Variants in RAPGEFL1 observed in about 807,000 individuals in gnomAD.
RAPGEFL1 encodes rap guanine nucleotide exchange factor-like 1.
A neutral mutation model predicts 64.4 loss-of-function variants in RAPGEFL1; 31 were observed. That is an observed-to-expected ratio of 0.48 (90% CI 0.36 to 0.65). The LOEUF is 0.65. RAPGEFL1 is among the 30% of genes least tolerant of loss of function. The pLI is 0.00. For missense variants in RAPGEFL1, 682 were observed against 677.4 expected (o/e 1.01, Z -0.08); for synonymous variants, 331 against 274.1 (o/e 1.21, Z -2.05).
intron 3 of RAPGEFL1, 54 bp from the exon 4 acceptor site, chr17:40,184,527 G>A (rs1990000185): frequency 1.6e-6 from 2 of 1,265,990 alleles, no homozygotes; most frequent in Non-Finnish European, 2.2e-6. Context: ...CCTGCAGAGA[G>A]TAGCCCTTGG....
chr17:40,189,660 C>T (rs971279983), intron 6 of RAPGEFL1, among the ~76,000 whole-genome samples: 1 of 152,034 alleles, frequency 6.6e-6, no homozygotes, highest in South Asian at 2.1e-4. Context: ...ATAGGCACTG[C>T]GCCCTATCCT....
rs766397839 is a variant in RAPGEFL1 at position 40,184,201 on chromosome 17, AC to A, written c.600-12del. The A allele has an allele frequency of 1.9e-6, 3 of 1,588,288 alleles. No individual in the cohort carries two copies. The South Asian group carries it at 3.3e-5, about 18-fold the overall frequency. On this transcript the variant is annotated splice_polypyrimidine_tract_variant and intron_variant, in intron 2 of 14. Transcript: ENST00000620260. ...TCTGCTTGCGTAGGGATTTTTCTTA[AC>A]TTAAGGGTCAGCTTTGTTCGGGCAG...
chr17:40,186,408 A>G (rs934211728), intron 4 of RAPGEFL1, among the ~76,000 whole-genome samples: 2 of 149,462 alleles, frequency 1.3e-5, no homozygotes, highest in African/African-American at 4.9e-5. Context: ...CTCTACTAAA[A>G]ATACAAAAAA....
chr17:40,184,436 G>A (rs1989998214), intron 3 of RAPGEFL1, 87 bp downstream of exon 3: 1 of 1,305,600 alleles, frequency 7.7e-7, no homozygotes, highest in Non-Finnish European at 1.1e-6. Context: ...CTCATTCTGG[G>A]TACCTGGAAG....
At chr17:40,182,318 T>A (rs1316404337) in intron 2 of RAPGEFL1, among the ~76,000 whole-genome samples, 1 of 152,086 alleles carries the variant, frequency 6.6e-6, no homozygotes, top group Admixed American at 6.6e-5. Flanking sequence ...GTGTTATTTA[T>A]TTATTTATTT....
Position 40,178,278 on chromosome 17 carries a change from G to A in RAPGEFL1, c.417G>A (p.Ser139=), listed in dbSNP as rs1469755759. Reference sequence around the variant, plus strand: ...TGTCCCCAGGCGAGCCCTTGACTTCGCCGCCCTGGGCCCCTCTGGGCGCCC... The same window carrying A: ...TGTCCCCAGGCGAGCCCTTGACTTCACCGCCCTGGGCCCCTCTGGGCGCCC... ...DELSPGEPLT[S]PPWAPLGAPE... Residue 139 remains serine (S), a synonymous_variant, in exon 1 of 15, where the codon TCG becomes TCA. Coordinates refer to ENST00000620260, the MANE Select transcript of RAPGEFL1 (RefSeq NM_016339.6). 7.7e-6 allele frequency: 5 copies of A among 646,842 alleles called. No individual in the cohort carries two copies. Among genetic ancestry groups the A allele is most frequent in the South Asian group, 1.6e-5 (1 of 61,748 alleles). 40.1% of individuals were successfully genotyped at this position (646,842 alleles called of 1,614,324 possible).
In RAPGEFL1 at chr17:40,193,790, A is replaced by G; in HGVS notation, c.*2A>G. On this transcript the variant is annotated 3_prime_UTR_variant, in exon 15 of 15. Transcript: ENST00000620260. ...AAGCTGGAGGCAAACAGTCAGTGAG[A>G]GTGGAGGCTCCAGTCAGACCCGCCA... The G allele has an allele frequency of 1.2e-6, 2 of 1,613,916 alleles. No individual in the cohort carries two copies. The highest frequency in any genetic ancestry group is 1.7e-6 in the Non-Finnish European group (2 of 1,179,940).
chr17:40,192,556 G>A (rs1772325759), intron 11 of RAPGEFL1, 50 bp from the exon 12 acceptor site: 1 of 1,463,440 alleles, frequency 6.8e-7, no homozygotes. Context: ...GGACATCTTT[G>A]GGATGCATTG....
Position 40,193,909 on chromosome 17 carries a change from A to G in RAPGEFL1, c.*121A>G. The stretch of plus-strand genomic sequence containing the variant: ...GGAGCAACTTCCTGCTCCACGGGAA[A>G]GAGGTCGATGGATTTACCCCTGGAC... On this transcript the variant is annotated 3_prime_UTR_variant, in exon 15 of 15. Coordinates refer to ENST00000620260, the MANE Select transcript of RAPGEFL1 (RefSeq NM_016339.6). 7.3e-7 allele frequency: 1 copy of G among 1,369,710 alleles called. No homozygotes were observed. Among genetic ancestry groups the G allele is most frequent in the African/African-American group, 1.5e-5 (1 of 68,606 alleles). The allele number at this position is 1,369,710 out of a possible 1,614,324, so 84.8% of individuals were successfully genotyped here.
chr17:40,190,809 G>T (rs548239903), intron 8 of RAPGEFL1, 47 bp downstream of exon 8: 123 of 1,606,038 alleles, frequency 7.7e-5, no homozygotes, highest in Non-Finnish European at 9.8e-5. Context: ...AGGGAGAAAT[G>T]TGCCATTGGG....
chr17:40,189,396 G>A (rs762340785), intron 6 of RAPGEFL1, 21 bp downstream of exon 6: 6 of 1,613,004 alleles, frequency 3.7e-6, no homozygotes, highest in Middle Eastern at 3.3e-4. Flanking sequence ...GGAAGAACTG[G>A]GCTGATGCTC....
intron 4 of RAPGEFL1, chr17:40,188,523 A>G (rs1221023719): frequency 6.3e-6 from 2 of 315,740 alleles, no homozygotes; most frequent in Non-Finnish European, 1.2e-5. Context: ...CTCAGTAAGA[A>G]CCAAATCCCA....
intron 4 of RAPGEFL1, among the ~76,000 whole-genome samples, chr17:40,186,332 G>A (rs2145211639): frequency 6.6e-6 from 1 of 150,428 alleles, no homozygotes; most frequent in South Asian, 2.1e-4. Flanking sequence ...ACTTTGGGAG[G>A]CCGAGGCGGG....
Position 40,192,248 on chromosome 17 carries a change from A to G in RAPGEFL1, c.1641A>G (p.Lys547=). 6.2e-7 allele frequency: 1 copy of G among 1,613,984 alleles called. No homozygotes were observed. Among genetic ancestry groups the G allele is most frequent in the Non-Finnish European group, 8.5e-7 (1 of 1,179,910 alleles). ...GGAAATTCAAGAACTTGTTTCGCAA[A>G]TTTGAGAACCTGACGGTGAGTGGGT... The part of the protein sequence containing the change: ...LPGKFKNLFR[K]FENLTDPCRN... The change falls in exon 11 of 15, where the codon AAA becomes AAG. Residue 547 remains lysine, a synonymous_variant. Coordinates refer to ENST00000620260, the MANE Select transcript of RAPGEFL1 (RefSeq NM_016339.6).
Position 40,191,558 on chromosome 17 carries a change from T to C in RAPGEFL1, c.1515-24T>C, listed in dbSNP as rs1270139178. On this transcript the variant is annotated intron_variant, in intron 9 of 14. Transcript: ENST00000620260. The surrounding 1 kb of genome is among the most constrained non-coding windows in gnomAD (Gnocchi z 5.1). ...GGAGGCCCGCGCCGCCGCCCGCCCC[T>C]GACCCCGCCTCCCACCCCCGCAGCT... 1.4e-6 allele frequency: 2 copies of C among 1,474,386 alleles called. No individual in the cohort carries two copies. Among genetic ancestry groups the C allele is most frequent in the South Asian group, 2.4e-5 (2 of 84,392 alleles). 91.3% of individuals were successfully genotyped at this position (1,474,386 alleles called of 1,614,324 possible). A position where few individuals can be genotyped will look rare whatever the true frequency, so the allele number is the denominator to read the frequency against.
In RAPGEFL1 at chr17:40,188,984, T is replaced by A. The variant is rs758250819; in HGVS notation, c.946+6T>A. The A allele has an allele frequency of 2.5e-6, 4 of 1,612,390 alleles. No individual in the cohort carries two copies. In the Admixed American group the frequency reaches 6.7e-5, roughly 27 times the overall value. On this transcript the variant is annotated splice_donor_region_variant and intron_variant, in intron 5 of 14. Transcript: ENST00000620260. ...CTTCCGGGGCTCTGATGAGAGTGAG[T>A]GTGGGCATTAGGAGGGGCAGGGTGT...
chr17:40,193,612 G>A, intron 14 of RAPGEFL1, 52 bp from the exon 15 acceptor site: 2 of 1,613,582 alleles, frequency 1.2e-6, no homozygotes, highest in Non-Finnish European at 1.7e-6. Context: ...TGTGTGTGTA[G>A]AGGAAGAAGG....
intron 4 of RAPGEFL1, among the ~76,000 whole-genome samples, chr17:40,185,997 C>T (rs1300763932): frequency 6.7e-6 from 1 of 148,360 alleles, no homozygotes; most frequent in African/African-American, 2.5e-5. Context: ...TGCGGTGGCT[C>T]ACGCCTGTAA....
chr17:40,192,506 C>T (rs926184719), intron 11 of RAPGEFL1, 100 bp from the exon 12 acceptor site: 31 of 1,086,160 alleles, frequency 2.9e-5, no homozygotes, highest in South Asian at 4.2e-5. Context: ...CCTATCTGAT[C>T]AGGAATGTAT....
Sources: gnomAD v4.1 joint callset for allele counts (sites outside exome capture counted in the v4.1 genomes callset) on GRCh38, gnomAD v4.1.1 for gene constraint, Gnocchi (gnomAD v3.1) non-coding constraint, MANE v1.5 for transcripts, NCBI Gene and HGNC (gene_info 2026-07-23, HGNC 2026-07-21) for gene names.